The following SAMD8 variants were observed in gnomAD, a reference collection of about 807,000 sequenced individuals.
The protein encoded by SAMD8 is sphingomyelin synthase-related protein 1.
A neutral mutation model predicts 42.0 loss-of-function variants in SAMD8; 20 were observed. The observed-to-expected ratio is 0.48, with a 90% CI of 0.34 to 0.69. The LOEUF is 0.69. SAMD8 is among the 30% of genes least tolerant of loss of function. The probability of loss-of-function intolerance (pLI) is 0.01; values close to 1 mark genes in which losing one functional copy is unlikely to be tolerated. For synonymous variants in SAMD8, 162 were observed against 173.0 expected (o/e 0.94, Z 0.50); for missense variants, 328 against 511.6 (o/e 0.64, Z 3.46).
chr10:75,126,907 G>T (rs1425494126), intron 1 of SAMD8, among the ~76,000 whole-genome samples: 1 of 152,026 alleles, frequency 6.6e-6, no homozygotes, highest in Non-Finnish European at 1.5e-5. Flanking sequence ...TCTTCATTAG[G>T]CTGCGCACGG....
rs1841022316 is a variant in SAMD8 at position 75,178,179 on chromosome 10, A to G, written c.*1487A>G. 6.6e-6 allele frequency: 1 copy of G among 152,226 alleles called. No individual in the cohort carries two copies. Among genetic ancestry groups the G allele is most frequent in the Non-Finnish European group, 1.5e-5 (1 of 68,038 alleles). 9.4% of individuals were successfully genotyped at this position (152,226 alleles called of 1,614,324 possible). A position where few individuals can be genotyped will look rare whatever the true frequency, so the allele number is the denominator to read the frequency against. ...ACATAGGAGCCTGAATGAATTGGGTAGGAAAGGAAATTATGCAAACAAGTC... is the reference window on the plus strand; with the variant it reads ...ACATAGGAGCCTGAATGAATTGGGTGGGAAAGGAAATTATGCAAACAAGTC... On this transcript the variant is annotated 3_prime_UTR_variant, in exon 6 of 6. Transcript: ENST00000542569.
At chr10:75,151,470 C>G (rs1840286013) in intron 2 of SAMD8, among the ~76,000 whole-genome samples, 1 of 151,788 alleles carries the variant, frequency 6.6e-6, no homozygotes, top group African/African-American at 2.4e-5. Context: ...CCTCCCACCT[C>G]AGCCTCCCAG....
At chr10:75,126,531 T>C (rs1338750762) in intron 1 of SAMD8, among the ~76,000 whole-genome samples, 1 of 149,772 alleles carries the variant, frequency 6.7e-6, no homozygotes, top group African/African-American at 2.5e-5. Flanking sequence ...AGACAGTATC[T>C]TGCTGTGTCA....
At chr10:75,147,944 C>T (rs930018241) in intron 1 of SAMD8, among the ~76,000 whole-genome samples, 3 of 152,058 alleles carry the variant, frequency 2.0e-5, no homozygotes, top group Non-Finnish European at 4.4e-5. Flanking sequence ...TGATATGCTA[C>T]AGCTAAAAAG....
At chr10:75,145,710 TC>T (rs1026006863) in intron 1 of SAMD8, among the ~76,000 whole-genome samples, 1 of 151,928 alleles carries the variant, frequency 6.6e-6, no homozygotes, top group Non-Finnish European at 1.5e-5. Flanking sequence ...TTAACATCAT[TC>T]CCCCCCAAAG....
chr10:75,111,201 A>T (rs1033226349), upstream of SAMD8, among the ~76,000 whole-genome samples: 1 of 152,238 alleles, frequency 6.6e-6, no homozygotes, highest in Non-Finnish European at 1.5e-5. Context: ...AACAATGATC[A>T]TTGGGGGCTG....
Position 75,168,523 on chromosome 10 carries a change from T to C in SAMD8, c.675-18T>C. On this transcript the variant is annotated intron_variant, in intron 3 of 5. Coordinates refer to ENST00000542569, the MANE Select transcript of SAMD8 (RefSeq NM_001174156.2). ...GTTTTCTTCTGATCTTTCCCCCTTT[T>C]TGGTTGATCTGTTACAGGTCAATAC... 6.2e-7 allele frequency: 1 copy of C among 1,608,042 alleles called. No homozygotes were observed. The highest frequency in any genetic ancestry group is 1.1e-5 in the South Asian group (1 of 90,778).
intron 3 of SAMD8, among the ~76,000 whole-genome samples, chr10:75,167,648 A>G (rs1589975560): frequency 6.6e-6 from 1 of 152,342 alleles, no homozygotes; most frequent in Middle Eastern, 3.4e-3. Context: ...GCTAGAGTGC[A>G]GTGGCACAAT....
Position 75,181,415 on chromosome 10 carries a change from G to C in SAMD8, c.*4723G>C, listed in dbSNP as rs1589985848. The C allele has an allele frequency of 6.6e-6, 1 of 151,126 alleles. No homozygotes were observed. Among genetic ancestry groups the C allele is most frequent in the East Asian group, 2.0e-4 (1 of 5,114 alleles). The allele number at this position is 151,126 out of a possible 1,614,324, so 9.4% of individuals were successfully genotyped here. ...AAAATTAGTATGAAACTAGGTTTTG[G>C]ACCCCCTTCTCACCTCACCCGGATG... On this transcript the variant is annotated 3_prime_UTR_variant, in exon 6 of 6. Coordinates refer to ENST00000542569, the MANE Select transcript of SAMD8 (RefSeq NM_001174156.2).
At chr10:75,157,619 A>T (rs551331028) in intron 2 of SAMD8, among the ~76,000 whole-genome samples, 2 of 152,334 alleles carry the variant, frequency 1.3e-5, no homozygotes, top group East Asian at 3.9e-4. Flanking sequence ...TGTATAAAAT[A>T]AGCCATCTAG....
chr10:75,142,686 C>T (rs1224629978), intron 1 of SAMD8, among the ~76,000 whole-genome samples: 3 of 152,216 alleles, frequency 2.0e-5, no homozygotes, highest in Admixed American at 1.3e-4. Context: ...CCGCCCGCCT[C>T]GGCCTCCCAA....
intron 4 of SAMD8, among the ~76,000 whole-genome samples, chr10:75,171,894 C>T (rs1026111078): frequency 3.3e-5 from 5 of 151,850 alleles, no homozygotes; most frequent in Non-Finnish European, 7.4e-5. Context: ...GGCATGGTGG[C>T]GGGCACCTGT....
chr10:75,135,495 C>T (rs1386441917), intron 1 of SAMD8, among the ~76,000 whole-genome samples: 1 of 150,252 alleles, frequency 6.7e-6, no homozygotes, highest in Admixed American at 6.7e-5. Flanking sequence ...TAAATGTGTA[C>T]AATTATGTGT....
At position 75,111,740 on chromosome 10, in the gene SAMD8, C is replaced by T. The variant is rs553844634; in HGVS notation, c.-16+18C>T. On this transcript the variant is annotated intron_variant, in intron 1 of 5. Transcript: ENST00000542569. ...CCGCGGAGGTGAGCGGGAGCTGAGG[C>T]TGAGGAGAGGGGAGCTTGGGGGGCG... 350 of 1,233,746 alleles carry T rather than the reference C, an allele frequency of 2.8e-4. No individual in the cohort carries two copies. Among genetic ancestry groups the T allele is most frequent in the South Asian group, 2.8e-3 (69 of 24,756 alleles). 76.4% of individuals were successfully genotyped at this position (1,233,746 alleles called of 1,614,324 possible).
In SAMD8 at chr10:75,176,183, G is replaced by T; in HGVS notation, c.910G>T (p.Val304Phe). The T allele has an allele frequency of 1.2e-6, 2 of 1,614,168 alleles. No individual in the cohort carries two copies. Among genetic ancestry groups the T allele is most frequent in the Non-Finnish European group, 1.7e-6 (2 of 1,180,030 alleles). Residue 304 changes from valine to phenylalanine, a missense_variant, in exon 5 of 6, where the codon GTC (valine) becomes TTC (phenylalanine). Around this residue, in one of 2 missense-constraint regions of SAMD8, gnomAD observed 178 missense variants for 325.6 expected, o/e 0.55. Coordinates refer to ENST00000542569, the MANE Select transcript of SAMD8 (RefSeq NM_001174156.2). The surrounding 1 kb of genome is among the most constrained non-coding windows in gnomAD (Gnocchi z 4.3). Reference sequence around the variant, plus strand: ...TTACATGTTTAGTGGCCACACAGTCGTCCTAACTATGCTGAATTTCTTTGT... The same window carrying T: ...TTACATGTTTAGTGGCCACACAGTCTTCCTAACTATGCTGAATTTCTTTGT... ...GDYMFSGHTVVLTMLNFFVTE... is the reference protein window; with the variant it reads ...GDYMFSGHTVFLTMLNFFVTE...
At position 75,176,564 on chromosome 10, in the gene SAMD8, C is replaced by G; in HGVS notation, c.1120C>G (p.Gln374Glu). The change falls in exon 6 of 6, where the codon CAG becomes GAG. Residue 374 changes from glutamine to glutamate, a missense_variant. This residue lies in a region of SAMD8 where 178 missense variants were observed against 325.6 expected (regional missense o/e 0.55). Coordinates refer to ENST00000542569, the MANE Select transcript of SAMD8 (RefSeq NM_001174156.2). This position sits in a 1 kb window ranked among gnomAD's most constrained non-coding sequence, Gnocchi z 4.3. Reference protein sequence around the residue: ...HTLANTRAYQQSRRARIWFPM... With the variant: ...HTLANTRAYQESRRARIWFPM... ...TCTGGCCAATACCAGAGCATATCAG[C>G]AGAGTAGGAGAGCAAGGATTTGGTT... 1 of 1,550,606 alleles carries G rather than the reference C, an allele frequency of 6.4e-7. No individual in the cohort carries two copies. The highest frequency in any genetic ancestry group is 8.7e-7 in the Non-Finnish European group (1 of 1,146,992).
At chr10:75,111,789 A>T in intron 1 of SAMD8, 67 bp downstream of exon 1, 1 of 1,230,828 alleles carries the variant, frequency 8.1e-7, no homozygotes. Context: ...GTGAGTGGGG[A>T]GTCTGGGATG....
intron 1 of SAMD8, among the ~76,000 whole-genome samples, chr10:75,130,774 G>A (rs1849257704): frequency 6.6e-6 from 1 of 152,056 alleles, no homozygotes; most frequent in Admixed American, 6.6e-5. Flanking sequence ...TCCTGGCTCG[G>A]ACAATTTCAA....
rs941398767 is a variant in SAMD8, at chr10:75,180,653, A to G, written c.*3961A>G. On this transcript the variant is annotated 3_prime_UTR_variant, in exon 6 of 6. Transcript: ENST00000542569. ...AGAGAGACCAGAACCCATTGGATCA[A>G]GAGACCTGCAGGGATTATAACTCTT... 1 of 152,226 alleles carries G rather than the reference A, an allele frequency of 6.6e-6. No homozygotes were observed. The highest frequency in any genetic ancestry group is 1.5e-5 in the Non-Finnish European group (1 of 68,040). 9.4% of individuals were successfully genotyped at this position (152,226 alleles called of 1,614,324 possible). A position where few individuals can be genotyped will look rare whatever the true frequency, so the allele number is the denominator to read the frequency against.
Sources: gnomAD v4.1 joint callset for allele counts (sites outside exome capture counted in the v4.1 genomes callset) on GRCh38, gnomAD v4.1.1 for gene constraint, gnomAD v4.1.1 regional missense constraint, Gnocchi (gnomAD v3.1) non-coding constraint, MANE v1.5 for transcripts, NCBI Gene and HGNC (gene_info 2026-07-23, HGNC 2026-07-21) for gene names.